Variants in RELN observed in about 807,000 individuals in gnomAD.
RELN encodes the protein reelin.
A neutral mutation model predicts 427.6 loss-of-function variants in RELN; 108 were observed. That is an observed-to-expected ratio of 0.25 (90% confidence interval 0.22 to 0.30). The LOEUF is 0.30. RELN is among the 10% of genes least tolerant of loss of function. The pLI is 1.00. For missense variants in RELN, 3,715 were observed against 4,302.8 expected (o/e 0.86, Z 3.82); for synonymous variants, 1,524 against 1,513.4 (o/e 1.01, Z -0.16).
chr7:103,573,790 C>G lies in RELN; in HGVS notation c.4511+302G>C, dbSNP rs937656238. On this transcript the variant is annotated intron_variant, in intron 30 of 64. Transcript: ENST00000428762. This position sits in a 1 kb window ranked among gnomAD's most constrained non-coding sequence, Gnocchi z 4.4. Reference sequence around the variant, plus strand: ...AAATCTTTGTTTCACACGGCACATGCTAAGAATAATACCAAATGGTTTTCA... The same window carrying G: ...AAATCTTTGTTTCACACGGCACATGGTAAGAATAATACCAAATGGTTTTCA... 1.3e-5 allele frequency among the ~76,000 whole-genome samples: 2 copies of G among 152,142 alleles called. No individual in the cohort carries two copies. Among genetic ancestry groups the G allele is most frequent in the East Asian group, 3.9e-4 (2 of 5,194 alleles).
chr7:103,740,532 T>G (rs1242472727), intron 6 of RELN, among the ~76,000 whole-genome samples: 2 of 152,264 alleles, frequency 1.3e-5, no homozygotes, highest in Non-Finnish European at 2.9e-5. Flanking sequence ...AAACATTTCT[T>G]ATTTCTATTC....
At chr7:103,496,998 C>A (rs1298082630) in intron 55 of RELN, among the ~76,000 whole-genome samples, 1 of 152,154 alleles carries the variant, frequency 6.6e-6, no homozygotes, top group East Asian at 1.9e-4. Flanking sequence ...AATAAAAACA[C>A]TGAAGTAAAA....
intron 1 of RELN, among the ~76,000 whole-genome samples, chr7:103,949,707 T>G (rs1445929667): frequency 1.3e-5 from 2 of 152,198 alleles, no homozygotes; most frequent in African/African-American, 4.8e-5. Context: ...AAAGAGATAA[T>G]GATATCCTAT....
chr7:103,861,147 AG>A (rs1380177567), intron 2 of RELN, among the ~76,000 whole-genome samples: 4 of 152,142 alleles, frequency 2.6e-5, no homozygotes, highest in Non-Finnish European at 5.9e-5. Context: ...TGATATACAC[AG>A]TTATTATCAT....
chr7:103,914,361 C>T (rs939128449), intron 2 of RELN, among the ~76,000 whole-genome samples: 1 of 151,928 alleles, frequency 6.6e-6, no homozygotes, highest in East Asian at 1.9e-4. Context: ...ATGATGGTTC[C>T]CCGCAATGAC....
chr7:103,776,921 C>T (rs1207574524), intron 3 of RELN, among the ~76,000 whole-genome samples: 1 of 152,038 alleles, frequency 6.6e-6, no homozygotes, highest in Non-Finnish European at 1.5e-5. Flanking sequence ...GGAGAGGAGG[C>T]TTATTAAAAT....
At chr7:103,796,220 T>C (rs181546363) in intron 3 of RELN, among the ~76,000 whole-genome samples, 27 of 152,334 alleles carry the variant, frequency 1.8e-4, no homozygotes, top group Admixed American at 4.6e-4. Context: ...ATATTACCAT[T>C]ACATAAAGAA....
At chr7:103,792,340 G>C (rs1360136252) in intron 3 of RELN, among the ~76,000 whole-genome samples, 1 of 152,074 alleles carries the variant, frequency 6.6e-6, no homozygotes, top group Non-Finnish European at 1.5e-5. Flanking sequence ...CAGATGATTG[G>C]CTAAATAAAA....
chr7:103,923,331 C>T (rs1191350449), intron 1 of RELN, among the ~76,000 whole-genome samples: 1 of 152,138 alleles, frequency 6.6e-6, no homozygotes, highest in East Asian at 1.9e-4. Flanking sequence ...CCATTCCAAA[C>T]CTCTAGAAGA....
chr7:103,544,033 G>T (rs1214910612), intron 42 of RELN, among the ~76,000 whole-genome samples: 1 of 152,012 alleles, frequency 6.6e-6, no homozygotes, highest in Non-Finnish European at 1.5e-5. Context: ...GTGGCCTTTT[G>T]TGTCTGGCTT....
chr7:103,664,262 A>C (rs1833208109), intron 11 of RELN, among the ~76,000 whole-genome samples: 1 of 152,220 alleles, frequency 6.6e-6, no homozygotes, highest in African/African-American at 2.4e-5. Flanking sequence ...TATTATTAAC[A>C]ATGCTATATA....
intron 36 of RELN, among the ~76,000 whole-genome samples, chr7:103,558,737 T>C (rs530593503): frequency 4.1e-4 from 62 of 152,334 alleles, no homozygotes; most frequent in Admixed American, 2.9e-3. Flanking sequence ...CTTGGGTACA[T>C]AGGATTGCAG....
intron 2 of RELN, among the ~76,000 whole-genome samples, chr7:103,902,786 A>G (rs187279946): frequency 0.012 from 1,806 of 152,202 alleles, 17 homozygotes; most frequent in Middle Eastern, 0.041. Context: ...CAGAACTCTC[A>G]TTTGGTGAAG....
At chr7:103,503,842 T>C (rs1186561701) in intron 51 of RELN, among the ~76,000 whole-genome samples, 1 of 149,130 alleles carries the variant, frequency 6.7e-6, no homozygotes, top group Admixed American at 6.7e-5. Flanking sequence ...ATGCTAATCA[T>C]GCCTTTGTTT....
chr7:103,909,637 AATAAATATATATATTTAATATAT>A (rs1795294987), intron 2 of RELN, among the ~76,000 whole-genome samples: 1 of 123,220 alleles, frequency 8.1e-6, no homozygotes, highest in Admixed American at 1.1e-4. Flanking sequence ...AAATATATTT[AATAAATATATATATTTAATATAT>A]ATAAATATAT....
chr7:103,622,277 T>C (rs1832238629), intron 20 of RELN, among the ~76,000 whole-genome samples: 1 of 152,190 alleles, frequency 6.6e-6, no homozygotes. Context: ...AATATGGCCA[T>C]TAAATTCATC....
chr7:103,566,745 A>G lies in RELN; in HGVS notation c.4603T>C (p.Tyr1535His). The G allele has an allele frequency of 6.2e-7, 1 of 1,614,048 alleles. No individual in the cohort carries two copies. Among genetic ancestry groups the G allele is most frequent in the Non-Finnish European group, 8.5e-7 (1 of 1,179,866 alleles). Residue 1535 changes from tyrosine (Y) to histidine (H), a missense_variant, in exon 32 of 65, where the codon TAT (tyrosine) becomes CAT (histidine). By Grantham distance (83) the Tyr-to-His change is moderately conservative (BLOSUM62 2). This residue lies in a region of RELN where 2,208 missense variants were observed against 2,361.7 expected (regional missense o/e 0.93). Transcript: ENST00000428762. ...RTRNEGLIVQ[Y>H]SNDNGILWHL... ...CAGAGTATCCCATTGTCATTTGAAT[A>G]CTGAACAATAAGCCCTGAGTTAAAA...
intron 47 of RELN, among the ~76,000 whole-genome samples, chr7:103,522,838 G>GACACACACACACAGAC (rs1554369893): frequency 5.3e-5 from 8 of 149,648 alleles, no homozygotes; most frequent in Non-Finnish European, 1.0e-4. Flanking sequence ...CAGACACACA[G>GACACACACACACAGAC]ACACACACAC....
intron 1 of RELN, among the ~76,000 whole-genome samples, chr7:103,957,027 CAGAAA>C (rs1386338070): frequency 6.6e-6 from 1 of 152,140 alleles, no homozygotes; most frequent in Non-Finnish European, 1.5e-5. Context: ...TACCCTAACA[CAGAAA>C]AGAAAACTGG....
Sources: allele counts gnomAD v4.1 joint callset (sites outside exome capture counted in the v4.1 genomes callset), GRCh38; gene constraint gnomAD v4.1.1; regional missense constraint gnomAD v4.1.1; non-coding constraint Gnocchi (gnomAD v3.1); transcripts MANE v1.5; gene names NCBI Gene and HGNC (gene_info 2026-07-23, HGNC 2026-07-21).